ARHGAP42: variants seen among roughly 807,000 people sequenced by gnomAD.
ARHGAP42 encodes Rho GTPase activating protein 42, also known as rho GTPase-activating protein 42.
Under a neutral mutation model 125.0 loss-of-function variants are expected in ARHGAP42, and 63 were observed. The observed-to-expected ratio is 0.50, with a 90% CI of 0.41 to 0.62. ARHGAP42 has a LOEUF of 0.62. Ranked by LOEUF, ARHGAP42 falls within the 20% of genes least tolerant of loss-of-function variation. The pLI is 0.00. For synonymous variants in ARHGAP42, 339 were observed against 351.0 expected, an observed-to-expected ratio of 0.97 and a Z score of 0.38; for missense variants, 766 against 1,024.2, an observed-to-expected ratio of 0.75 and a Z score of 3.44.
At chr11:100,937,165 T>C (rs549428692) in intron 8 of ARHGAP42, among the ~76,000 whole-genome samples, 1 of 152,222 alleles carries the variant, frequency 6.6e-6, no homozygotes, top group South Asian at 2.1e-4. Context: ...CATTTATTAC[T>C]GCATGGACTT....
intron 3 of ARHGAP42, among the ~76,000 whole-genome samples, chr11:100,844,237 G>A (rs903016502): frequency 3.3e-5 from 5 of 152,022 alleles, no homozygotes; most frequent in African/African-American, 1.2e-4. Context: ...GGGATAATTG[G>A]CAAGCCACAT....
In ARHGAP42 at chr11:100,772,699, C is replaced by T. The variant is rs962851773; in HGVS notation, c.250+2261C>T. 7.2e-5 allele frequency among the ~76,000 whole-genome samples: 11 copies of T among 152,160 alleles called. No individual in the cohort carries two copies. The South Asian group carries it at 1.7e-3, about 23-fold the overall frequency. ...CATTTCTTGACATTGGTGATATAAACGTCTGGTCCTCAACATAGGCTTTGT... is the reference window on the plus strand; with the variant it reads ...CATTTCTTGACATTGGTGATATAAATGTCTGGTCCTCAACATAGGCTTTGT... On this transcript the variant is annotated intron_variant, in intron 2 of 23. Transcript: ENST00000298815.
chr11:100,751,773 CTT>C (rs757372755), intron 1 of ARHGAP42, among the ~76,000 whole-genome samples: 3,395 of 84,128 alleles, frequency 0.04, 43 homozygotes, highest in East Asian at 0.07. Flanking sequence ...AGACAGGCAC[CTT>C]TTTTTTTTTT....
chr11:100,698,624 T>C (rs1241941267), intron 1 of ARHGAP42, among the ~76,000 whole-genome samples: 1 of 152,150 alleles, frequency 6.6e-6, no homozygotes, highest in Non-Finnish European at 1.5e-5. Context: ...GAAGTTGCGG[T>C]GAGCCCAGAT....
At chr11:100,921,877 G>T (rs1280983475) in intron 6 of ARHGAP42, among the ~76,000 whole-genome samples, 1 of 151,814 alleles carries the variant, frequency 6.6e-6, no homozygotes, top group Non-Finnish European at 1.5e-5. Context: ...TGTATACTAT[G>T]GATTCAGTTA....
At chr11:100,698,427 C>T (rs776904153) in intron 1 of ARHGAP42, among the ~76,000 whole-genome samples, 3 of 152,152 alleles carry the variant, frequency 2.0e-5, no homozygotes, top group East Asian at 1.9e-4. Context: ...GCCATGATCA[C>T]GCCACTGTAC....
chr11:100,827,232 A>T (rs772193207), intron 3 of ARHGAP42, among the ~76,000 whole-genome samples: 35 of 151,876 alleles, frequency 2.3e-4, no homozygotes, highest in Non-Finnish European at 5.0e-4. Flanking sequence ...CAAACTCCTG[A>T]CCTCAAGTGA....
intron 4 of ARHGAP42, among the ~76,000 whole-genome samples, chr11:100,907,507 T>C (rs1405902372): frequency 6.6e-6 from 1 of 152,168 alleles, no homozygotes; most frequent in Non-Finnish European, 1.5e-5. Flanking sequence ...TTTCAGCTGC[T>C]TGCAGATGGG....
At chr11:100,921,245 A>ATATATT (rs1565276872) in intron 5 of ARHGAP42, among the ~76,000 whole-genome samples, 1 of 36,740 alleles carries the variant, frequency 2.7e-5, no homozygotes, top group Non-Finnish European at 4.7e-5. Flanking sequence ...ATATATATAT[A>ATATATT]TTTTTTTTTT....
intron 8 of ARHGAP42, among the ~76,000 whole-genome samples, chr11:100,940,519 C>T (rs748802562): frequency 7.2e-5 from 11 of 152,114 alleles, no homozygotes; most frequent in South Asian, 4.1e-4. Context: ...ATGCATTCTA[C>T]GCCCTGATAA....
At chr11:100,977,003 C>T (rs1050943479) in intron 21 of ARHGAP42, 32 bp downstream of exon 21, 3 of 1,549,360 alleles carry the variant, frequency 1.9e-6, no homozygotes, top group Non-Finnish European at 2.6e-6. Context: ...TGCTGTGTCT[C>T]CCAGGGATAC....
chr11:100,857,498 TA>T (rs1243242823), intron 3 of ARHGAP42, among the ~76,000 whole-genome samples: 6 of 152,090 alleles, frequency 3.9e-5, no homozygotes, highest in Non-Finnish European at 7.4e-5. Flanking sequence ...TCCTTCCCAA[TA>T]AAAAACATCC....
chr11:100,850,027 G>A lies in ARHGAP42; in HGVS notation c.313-9527G>A, dbSNP rs532424947. Among the ~76,000 whole-genome samples the A allele has an allele frequency of 4.6e-5, 7 of 152,088 alleles. No individual in the cohort carries two copies. In the East Asian group the frequency reaches 7.7e-4, roughly 17 times the overall value. ...ATCTCTTCTTAACCTTACTGTAGCCGTGCTGATCCTTACCTCATCATTATA... is the reference window on the plus strand; with the variant it reads ...ATCTCTTCTTAACCTTACTGTAGCCATGCTGATCCTTACCTCATCATTATA... On this transcript the variant is annotated intron_variant, in intron 3 of 23. Coordinates refer to ENST00000298815, the MANE Select transcript of ARHGAP42 (RefSeq NM_152432.4).
At chr11:100,809,813 G>A (rs555259540) in intron 3 of ARHGAP42, among the ~76,000 whole-genome samples, 1 of 152,048 alleles carries the variant, frequency 6.6e-6, no homozygotes, top group Non-Finnish European at 1.5e-5. Flanking sequence ...AAATTAGCTG[G>A]GCATGGTATC....
intron 3 of ARHGAP42, among the ~76,000 whole-genome samples, chr11:100,813,000 T>C (rs1014482319): frequency 1.3e-5 from 2 of 152,220 alleles, no homozygotes; most frequent in African/African-American, 4.8e-5. Flanking sequence ...TTTCGTTATT[T>C]CATTACTTAA....
chr11:100,962,172 G>A (rs528999714), intron 15 of ARHGAP42, among the ~76,000 whole-genome samples: 22 of 152,130 alleles, frequency 1.4e-4, no homozygotes, highest in African/African-American at 4.8e-4. Context: ...TCTTAATACA[G>A]TCATGGAAAG....
rs1262842434 is a variant in ARHGAP42, at chr11:100,936,284, C to G, written c.784C>G (p.Pro262Ala). Residue 262 changes from proline to alanine, a missense_variant, in exon 8 of 24, where the codon CCA becomes GCA. Physicochemically the swap from Pro to Ala is conservative, Grantham distance 27. Around this residue, in one of 3 missense-constraint regions of ARHGAP42, gnomAD observed 455 missense variants for 636.5 expected, o/e 0.71. Transcript: ENST00000298815. Reference sequence around the variant, plus strand: ...GAAATCTGCTAACCAGGACTACAGACCACCCAGCCAGTGGACGATGGAAGG... The same window carrying G: ...GAAATCTGCTAACCAGGACTACAGAGCACCCAGCCAGTGGACGATGGAAGG... ...RMKSANQDYR[P>A]PSQWTMEGYL... 1.3e-6 allele frequency: 2 copies of G among 1,551,452 alleles called. No individual in the cohort carries two copies. The highest frequency in any genetic ancestry group is 2.7e-5 in the African/African-American group (2 of 73,012).
At chr11:100,827,345 A>G (rs1844657941) in intron 3 of ARHGAP42, among the ~76,000 whole-genome samples, 1 of 152,160 alleles carries the variant, frequency 6.6e-6, no homozygotes, top group Non-Finnish European at 1.5e-5. Flanking sequence ...CTTCAATGGA[A>G]TCACTTGGAA....
chr11:100,876,538 TTGTC>T (rs1865828643), intron 4 of ARHGAP42, among the ~76,000 whole-genome samples: 2 of 152,240 alleles, frequency 1.3e-5, no homozygotes, highest in South Asian at 4.1e-4. Flanking sequence ...CATCACGGAT[TTGTC>T]TGTATGCACT....
Sources: gnomAD v4.1 joint callset for allele counts (sites outside exome capture counted in the v4.1 genomes callset) on GRCh38, gnomAD v4.1.1 for gene constraint, gnomAD v4.1.1 regional missense constraint, MANE v1.5 for transcripts, NCBI Gene and HGNC (gene_info 2026-07-23, HGNC 2026-07-21) for gene names.